DNAJC1: variants seen among roughly 807,000 people sequenced by gnomAD.
The protein encoded by DNAJC1 is dnaJ homolog subfamily C member 1.
Under a neutral mutation model 76.6 loss-of-function variants are expected in DNAJC1, and 58 were observed. The ratio of observed to expected loss-of-function variants is 0.76; its 90% CI spans 0.61 to 0.94. The LOEUF (loss-of-function observed/expected upper bound fraction) is 0.94. DNAJC1 is among the 40% of genes least tolerant of loss of function. DNAJC1 has a pLI of 0.00. For synonymous variants in DNAJC1, 258 were observed against 267.9 expected (o/e 0.96, Z 0.36); for missense variants, 689 against 677.3 (o/e 1.02, Z -0.19).
At chr10:21,935,556 A>G (rs1837298076) in intron 1 of DNAJC1, among the ~76,000 whole-genome samples, 1 of 152,172 alleles carries the variant, frequency 6.6e-6, no homozygotes, top group African/African-American at 2.4e-5. Context: ...AAAATGGGGC[A>G]GAAAACATAT....
chr10:21,789,172 C>T (rs1391083564), intron 9 of DNAJC1, among the ~76,000 whole-genome samples: 1 of 152,152 alleles, frequency 6.6e-6, no homozygotes, highest in African/African-American at 2.4e-5. Context: ...CTCCAAAAGC[C>T]CCTACAACCA....
intron 9 of DNAJC1, among the ~76,000 whole-genome samples, chr10:21,784,114 A>G (rs1834571597): frequency 6.6e-6 from 1 of 152,240 alleles, no homozygotes; most frequent in Non-Finnish European, 1.5e-5. Context: ...TGAACAGGCA[A>G]CCTACAAAAT....
chr10:21,779,240 G>A (rs1834495296), intron 9 of DNAJC1, among the ~76,000 whole-genome samples: 1 of 152,210 alleles, frequency 6.6e-6, no homozygotes, highest in South Asian at 2.1e-4. Flanking sequence ...CAGCTTTGAA[G>A]AGAGTAGTGG....
At chr10:21,788,414 C>G (rs1320837114) in intron 9 of DNAJC1, among the ~76,000 whole-genome samples, 2 of 152,212 alleles carry the variant, frequency 1.3e-5, no homozygotes, top group African/African-American at 2.4e-5. Flanking sequence ...ATGTACTACC[C>G]TTTGTCTCAG....
chr10:21,817,649 T>A (rs1322205203), intron 8 of DNAJC1, among the ~76,000 whole-genome samples: 1 of 152,108 alleles, frequency 6.6e-6, no homozygotes, highest in Non-Finnish European at 1.5e-5. Flanking sequence ...TGCAAAAAAA[T>A]TTAAGAATAA....
At chr10:21,976,048 C>T (rs1473038336) in intron 1 of DNAJC1, among the ~76,000 whole-genome samples, 2 of 152,156 alleles carry the variant, frequency 1.3e-5, no homozygotes, top group East Asian at 3.8e-4. Flanking sequence ...AAATTAGCTG[C>T]TGCATAAGCA....
intron 8 of DNAJC1, among the ~76,000 whole-genome samples, chr10:21,862,504 CT>C (rs1456000466): frequency 6.7e-6 from 1 of 148,520 alleles, no homozygotes; most frequent in Non-Finnish European, 1.5e-5. Context: ...TCTTGGCTGA[CT>C]ACAACCTCTG....
chr10:21,900,518 G>A (rs1413585070), intron 7 of DNAJC1, among the ~76,000 whole-genome samples: 2 of 152,032 alleles, frequency 1.3e-5, no homozygotes, highest in African/African-American at 4.8e-5. Flanking sequence ...TAAGGGAATT[G>A]TAAATTTATA....
chr10:21,841,902 G>T (rs966697575), intron 8 of DNAJC1, among the ~76,000 whole-genome samples: 1 of 152,022 alleles, frequency 6.6e-6, no homozygotes, highest in African/African-American at 2.4e-5. Flanking sequence ...ATACACCATG[G>T]AATACTATGC....
chr10:21,802,097 A>G (rs1398235046), intron 9 of DNAJC1, among the ~76,000 whole-genome samples: 1 of 152,154 alleles, frequency 6.6e-6, no homozygotes, highest in Non-Finnish European at 1.5e-5. Flanking sequence ...GTTTACCTGT[A>G]TAACAAACCT....
intron 7 of DNAJC1, among the ~76,000 whole-genome samples, chr10:21,897,142 T>C (rs991960415): frequency 6.6e-5 from 10 of 152,218 alleles, no homozygotes; most frequent in Non-Finnish European, 4.4e-5. Flanking sequence ...ACAGCACAAA[T>C]GGACACTGAC....
chr10:21,930,012 A>G (rs2807984), intron 1 of DNAJC1, among the ~76,000 whole-genome samples: 118,998 of 152,224 alleles, frequency 0.78, 47,329 homozygotes, highest in East Asian at 0.99. Flanking sequence ...GTCTGATTCT[A>G]CCACCCAGGC....
chr10:21,889,729 C>T (rs1836429911), intron 7 of DNAJC1, among the ~76,000 whole-genome samples: 1 of 152,130 alleles, frequency 6.6e-6, no homozygotes, highest in African/African-American at 2.4e-5. Context: ...CAGACACACA[C>T]ATACAGGCAA....
intron 8 of DNAJC1, among the ~76,000 whole-genome samples, chr10:21,854,775 A>G (rs1835809258): frequency 6.6e-6 from 1 of 152,198 alleles, no homozygotes; most frequent in Admixed American, 6.5e-5. Context: ...CAAAAGACCT[A>G]CTTTAAAGAC....
intron 8 of DNAJC1, among the ~76,000 whole-genome samples, chr10:21,846,769 C>T (rs1835666222): frequency 6.6e-6 from 1 of 152,028 alleles, no homozygotes; most frequent in Non-Finnish European, 1.5e-5. Context: ...TTCCCAACAA[C>T]CTACTATTAT....
chr10:21,808,294 A>G (rs1343175307), intron 8 of DNAJC1, among the ~76,000 whole-genome samples: 2 of 152,218 alleles, frequency 1.3e-5, no homozygotes, highest in Non-Finnish European at 2.9e-5. Flanking sequence ...TCAACTTCCC[A>G]AATACTCTGC....
In DNAJC1 at chr10:21,929,026, C is replaced by T. The variant is rs944246374; in HGVS notation, c.324+14G>A. 2.0e-6 allele frequency: 3 copies of T among 1,478,610 alleles called. No individual in the cohort carries two copies. The highest frequency in any genetic ancestry group is 1.4e-5 in the African/African-American group (1 of 71,506). 91.6% of individuals were successfully genotyped at this position (1,478,610 alleles called of 1,614,324 possible). A position where few individuals can be genotyped will look rare whatever the true frequency, so the allele number is the denominator to read the frequency against. On this transcript the variant is annotated intron_variant, in intron 2 of 11. Coordinates refer to ENST00000376980, the MANE Select transcript of DNAJC1 (RefSeq NM_022365.4). ...TTGTCACAAAATATATATATAATAG[C>T]ATATTTCACTTACTTGTCTAAACTG...
Position 21,759,150 on chromosome 10 carries a change from C to T in DNAJC1, c.1596+20G>A, listed in dbSNP as rs752544014. 5.0e-6 allele frequency: 8 copies of T among 1,602,798 alleles called. No individual in the cohort carries two copies. Among genetic ancestry groups the T allele is most frequent in the Non-Finnish European group, 6.0e-6 (7 of 1,174,396 alleles). ...TGGGATTCTAACACCTGTGCAGAGG[C>T]CTCTTTCCCCATCACTCACCTTGCT... On this transcript the variant is annotated intron_variant, in intron 11 of 11. Coordinates refer to ENST00000376980, the MANE Select transcript of DNAJC1 (RefSeq NM_022365.4).
intron 8 of DNAJC1, among the ~76,000 whole-genome samples, chr10:21,833,542 C>T (rs978687530): frequency 4.6e-5 from 7 of 152,098 alleles, no homozygotes; most frequent in South Asian, 2.1e-4. Flanking sequence ...GTGTGAATCA[C>T]GGCTATGTCA....
Sources: gnomAD v4.1 joint callset for allele counts (sites outside exome capture counted in the v4.1 genomes callset) on GRCh38, gnomAD v4.1.1 for gene constraint, MANE v1.5 for transcripts, NCBI Gene and HGNC (gene_info 2026-07-23, HGNC 2026-07-21) for gene names.